Variants in SLC25A33 observed in about 807,000 individuals in gnomAD.
The protein encoded by SLC25A33 is bone marrow stromal cell mitochondrial carrier protein.
SLC25A33 carries 15 observed loss-of-function variants against 35.5 expected under a neutral mutation model. The ratio of observed to expected loss-of-function variants is 0.42; its 90% CI spans 0.28 to 0.65. SLC25A33 has a LOEUF of 0.65. SLC25A33 is among the 30% of genes least tolerant of loss of function. SLC25A33 has a pLI of 0.20. For synonymous variants in SLC25A33, 136 were observed against 148.7 expected, an observed-to-expected ratio of 0.91 and a Z score of 0.62; for missense variants, 257 against 398.5, an observed-to-expected ratio of 0.64 and a Z score of 3.02.
rs1029231839 is a variant in SLC25A33 at position 9,578,128 on chromosome 1, C to T, written c.483-1826C>T. 6.6e-6 allele frequency among the ~76,000 whole-genome samples: 1 copy of T among 152,120 alleles called. No individual in the cohort carries two copies. The highest frequency in any genetic ancestry group is 2.4e-5 in the African/African-American group (1 of 41,414). ...AGAGACGGGGTTTCACCGTGTTAGC[C>T]AGGATGGTCTCGATCTCCTGACCTC... On this transcript the variant is annotated intron_variant, in intron 5 of 6. Transcript: ENST00000302692. The surrounding 1 kb of genome is among the most constrained non-coding windows in gnomAD (Gnocchi z 4.3).
At chr1:9,552,013 T>C (rs1186499268) in intron 1 of SLC25A33, among the ~76,000 whole-genome samples, 1 of 152,212 alleles carries the variant, frequency 6.6e-6, no homozygotes, top group African/African-American at 2.4e-5. Flanking sequence ...AAGTAGGTAT[T>C]TTAGGATAAA....
At chr1:9,544,644 A>G (rs990859646) in intron 1 of SLC25A33, among the ~76,000 whole-genome samples, 4 of 152,170 alleles carry the variant, frequency 2.6e-5, no homozygotes, top group African/African-American at 9.6e-5. Flanking sequence ...TTTAAATAGC[A>G]CGATAGAGGT....
intron 2 of SLC25A33, among the ~76,000 whole-genome samples, chr1:9,564,360 C>G (rs941392135): frequency 2.6e-5 from 4 of 152,068 alleles, no homozygotes; most frequent in Non-Finnish European, 1.5e-5. Flanking sequence ...AGAAAACAGC[C>G]TAGTGGTTTC....
intron 1 of SLC25A33, among the ~76,000 whole-genome samples, chr1:9,552,086 A>G (rs954569978): frequency 1.3e-5 from 2 of 152,244 alleles, no homozygotes; most frequent in African/African-American, 4.8e-5. Flanking sequence ...CGATATGAAT[A>G]TAAGGGTAAT....
intron 4 of SLC25A33, 145 bp from the exon 5 acceptor site, chr1:9,573,201 G>A: frequency 5.3e-6 from 3 of 567,238 alleles, no homozygotes; most frequent in Non-Finnish European, 3.1e-6. Context: ...GCTTCTATCT[G>A]CAGGATAGAA....
intron 2 of SLC25A33, among the ~76,000 whole-genome samples, chr1:9,555,167 G>C (rs914428318): frequency 6.9e-6 from 1 of 144,404 alleles, no homozygotes; most frequent in Non-Finnish European, 1.5e-5. Flanking sequence ...GCCCAGGCTG[G>C]AGTGCAGTGG....
intron 2 of SLC25A33, 41 bp from the exon 3 acceptor site, chr1:9,567,243 G>C (rs751234909): frequency 6.5e-7 from 1 of 1,549,866 alleles, no homozygotes. Context: ...AATAGGCCTT[G>C]CCTGAGGGGT....
Position 9,553,784 on chromosome 1 carries a change from C to G in SLC25A33, c.215C>G (p.Pro72Arg). 6.2e-7 allele frequency: 1 copy of G among 1,614,106 alleles called. No individual in the cohort carries two copies. Among genetic ancestry groups the G allele is most frequent in the Non-Finnish European group, 8.5e-7 (1 of 1,179,998 alleles). Reference protein sequence around the residue: ...AGMVRPTSVTPGLFQVLKSIL... With the variant: ...AGMVRPTSVTRGLFQVLKSIL... ...ATGGTGAGACCAACATCCGTGACACCTGGACTCTTTCAGGTTCTGAAGTAA... is the reference window on the plus strand; with the variant it reads ...ATGGTGAGACCAACATCCGTGACACGTGGACTCTTTCAGGTTCTGAAGTAA... The change falls in exon 2 of 7, where the codon CCT (proline) becomes CGT (arginine). Residue 72 changes from proline to arginine, a missense_variant. Pro to Arg is a moderately radical substitution (Grantham distance 103). Transcript: ENST00000302692.
intron 4 of SLC25A33, among the ~76,000 whole-genome samples, chr1:9,571,001 CT>C (rs1643582606): frequency 6.6e-6 from 1 of 152,166 alleles, no homozygotes; most frequent in African/African-American, 2.4e-5. Flanking sequence ...GCATGAGCCA[CT>C]GCGCCCAGCC....
intron 1 of SLC25A33, among the ~76,000 whole-genome samples, chr1:9,553,203 G>GTTTTTTTTTT (rs550067186): frequency 2.5e-4 from 14 of 56,484 alleles, no homozygotes; most frequent in Non-Finnish European, 2.9e-4. Context: ...TTCTAGTTTT[G>GTTTTTTTTTT]TTTTTTTTTT....
At chr1:9,543,954 A>AG (rs1643130390) in intron 1 of SLC25A33, among the ~76,000 whole-genome samples, 1 of 151,956 alleles carries the variant, frequency 6.6e-6, no homozygotes, top group Admixed American at 6.6e-5. Context: ...AAAATACAAA[A>AG]ATTAGCTGGG....
At chr1:9,541,133 A>C (rs1569835106) in intron 1 of SLC25A33, among the ~76,000 whole-genome samples, 3 of 137,320 alleles carry the variant, frequency 2.2e-5, no homozygotes, top group Non-Finnish European at 4.7e-5. Flanking sequence ...AGGCCCCGCC[A>C]CCAAGCCTGG....
intron 2 of SLC25A33, among the ~76,000 whole-genome samples, chr1:9,564,739 A>AAAAAATATATATATATATATAT (rs60174872): frequency 6.2e-5 from 6 of 96,582 alleles, no homozygotes; most frequent in South Asian, 3.1e-4. Flanking sequence ...AAAAAAAAAA[A>AAAAAATATATATATATATATAT]ATATATATAT....
At chr1:9,564,765 T>TACAC (rs57851977) in intron 2 of SLC25A33, among the ~76,000 whole-genome samples, 15 of 114,822 alleles carry the variant, frequency 1.3e-4, no homozygotes, top group African/African-American at 4.0e-4. Flanking sequence ...TATATATATA[T>TACAC]ACACAAAAAT....
intron 1 of SLC25A33, 57 bp downstream of exon 1, chr1:9,539,804 G>T (rs1329208274): frequency 1.6e-6 from 2 of 1,273,684 alleles, no homozygotes; most frequent in Non-Finnish European, 2.0e-6. Flanking sequence ...CTCGGCCTTC[G>T]CCCCGGGCGC....
intron 1 of SLC25A33, among the ~76,000 whole-genome samples, chr1:9,541,517 C>T (rs1050916752): frequency 1.3e-5 from 2 of 152,082 alleles, no homozygotes; most frequent in Admixed American, 6.6e-5. Context: ...GGCTGGCACT[C>T]CTGACCTCAA....
chr1:9,576,808 G>A lies in SLC25A33; in HGVS notation c.483-3146G>A. The A allele has an allele frequency of 3.2e-6, 4 of 1,231,350 alleles. No individual in the cohort carries two copies. The South Asian group carries it at 4.8e-5, about 15-fold the overall frequency. 76.3% of individuals were successfully genotyped at this position (1,231,350 alleles called of 1,614,324 possible). A position where few individuals can be genotyped will look rare whatever the true frequency, so the allele number is the denominator to read the frequency against. Reference sequence around the variant, plus strand: ...CAGGGTTCAGATGAGACCAGGTGTTGCTTGTTCAGTATCTCAAGCCTAGAA... The same window carrying A: ...CAGGGTTCAGATGAGACCAGGTGTTACTTGTTCAGTATCTCAAGCCTAGAA... On this transcript the variant is annotated intron_variant, in intron 5 of 6. Transcript: ENST00000302692.
At chr1:9,580,376 A>T in intron 6 of SLC25A33, 142 bp downstream of exon 6, 1 of 1,058,996 alleles carries the variant, frequency 9.4e-7, no homozygotes, top group Non-Finnish European at 1.4e-6. Context: ...AACAGCTCTA[A>T]CCGCATGGAC....
At chr1:9,581,547 G>A (rs1400194818) in intron 6 of SLC25A33, among the ~76,000 whole-genome samples, 1 of 151,982 alleles carries the variant, frequency 6.6e-6, no homozygotes, top group Non-Finnish European at 1.5e-5. Context: ...TGGCCAACAT[G>A]GCGAAACCCC....
Sources: gnomAD v4.1 joint callset for allele counts (sites outside exome capture counted in the v4.1 genomes callset) on GRCh38, gnomAD v4.1.1 for gene constraint, Gnocchi (gnomAD v3.1) non-coding constraint, MANE v1.5 for transcripts, NCBI Gene and HGNC (gene_info 2026-07-23, HGNC 2026-07-21) for gene names.